The following LRFN2 variants were observed in gnomAD, a reference collection of about 807,000 sequenced individuals.
The protein encoded by LRFN2 is leucine rich repeat and fibronectin type III domain containing 2.
Under a neutral mutation model 37.3 loss-of-function variants are expected in LRFN2, and 18 were observed. That is an observed-to-expected ratio of 0.48 (90% CI 0.33 to 0.72). The LOEUF is 0.72. LRFN2 is among the 30% of genes least tolerant of loss of function. The pLI is 0.02. For synonymous variants in LRFN2, 556 were observed against 466.6 expected (o/e 1.19, Z -2.47); for missense variants, 1,006 against 1,060.7 (o/e 0.95, Z 0.72).
intron 1 of LRFN2, among the ~76,000 whole-genome samples, chr6:40,440,174 A>T (rs1354737499): frequency 2.0e-5 from 3 of 152,218 alleles, no homozygotes; most frequent in Non-Finnish European, 2.9e-5. Context: ...AAAAGGGCAG[A>T]ATGAGCCCAT....
At chr6:40,573,124 C>T (rs1442794251) in intron 1 of LRFN2, among the ~76,000 whole-genome samples, 3 of 152,230 alleles carry the variant, frequency 2.0e-5, no homozygotes, top group African/African-American at 7.2e-5. Context: ...GAAATCTAAT[C>T]CTGCCTTCAT....
chr6:40,482,690 C>A (rs943576443), intron 1 of LRFN2, among the ~76,000 whole-genome samples: 1 of 152,244 alleles, frequency 6.6e-6, no homozygotes, highest in Non-Finnish European at 1.5e-5. Context: ...GCAGCTTCCC[C>A]CACTGCGCCC....
intron 1 of LRFN2, among the ~76,000 whole-genome samples, chr6:40,529,979 C>A (rs1356060095): frequency 6.6e-6 from 1 of 152,248 alleles, no homozygotes; most frequent in African/African-American, 2.4e-5. Flanking sequence ...CATTTGCTTA[C>A]AAACCTTCCA....
chr6:40,584,506 C>T (rs996625527), intron 1 of LRFN2, among the ~76,000 whole-genome samples: 38 of 152,296 alleles, frequency 2.5e-4, no homozygotes, highest in Non-Finnish European at 4.9e-4. Flanking sequence ...ATTGTTGTTG[C>T]TCTTGTTCAG....
chr6:40,468,221 C>T (rs1244627102), intron 1 of LRFN2, among the ~76,000 whole-genome samples: 1 of 152,080 alleles, frequency 6.6e-6, no homozygotes, highest in Non-Finnish European at 1.5e-5. Flanking sequence ...GTGAACAAGT[C>T]CTTGGCCCTC....
At chr6:40,508,921 A>G (rs956874285) in intron 1 of LRFN2, among the ~76,000 whole-genome samples, 5 of 152,276 alleles carry the variant, frequency 3.3e-5, no homozygotes, top group African/African-American at 1.2e-4. Context: ...ACATCCATGC[A>G]ATGATTGGGT....
At chr6:40,449,457 C>T (rs10807240) in intron 1 of LRFN2, among the ~76,000 whole-genome samples, 39,910 of 152,150 alleles carry the variant, frequency 0.26, 6,149 homozygotes, top group Middle Eastern at 0.41. Context: ...TAAATGTCTA[C>T]TATGTGATGA....
intron 2 of LRFN2, among the ~76,000 whole-genome samples, chr6:40,421,835 A>G (rs1763235174): frequency 6.6e-6 from 1 of 152,186 alleles, no homozygotes; most frequent in Non-Finnish European, 1.5e-5. Context: ...TAACCCCCAA[A>G]TTTGGAAAAG....
chr6:40,407,242 T>C (rs958076584), intron 2 of LRFN2, among the ~76,000 whole-genome samples: 1 of 146,586 alleles, frequency 6.8e-6, no homozygotes, highest in Admixed American at 6.7e-5. Context: ...AAGTCTTCTC[T>C]ATTTAATTGT....
chr6:40,433,522 G>GTGGATGGA (rs921191740), intron 1 of LRFN2, among the ~76,000 whole-genome samples: 1 of 151,882 alleles, frequency 6.6e-6, no homozygotes, highest in South Asian at 2.1e-4. Flanking sequence ...GGATGGATGG[G>GTGGATGGA]TGGATGGATG....
chr6:40,553,875 T>G (rs1170449937), intron 1 of LRFN2, among the ~76,000 whole-genome samples: 1 of 152,212 alleles, frequency 6.6e-6, no homozygotes, highest in Non-Finnish European at 1.5e-5. Context: ...GCCTTGTGCT[T>G]CTCACCTCTG....
Position 40,480,549 on chromosome 6 carries a change from A to T in LRFN2, c.-18-47418T>A, listed in dbSNP as rs985181065. 3.9e-5 allele frequency among the ~76,000 whole-genome samples: 6 copies of T among 152,248 alleles called. No homozygotes were observed. In the South Asian group the frequency reaches 1.2e-3, roughly 32 times the overall value. Reference sequence around the variant, plus strand: ...TGCTTCGGCCTCCCAAAGTGCTGGGATTACAGGTATGAGCCACCACACCCA... The same window carrying T: ...TGCTTCGGCCTCCCAAAGTGCTGGGTTTACAGGTATGAGCCACCACACCCA... On this transcript the variant is annotated intron_variant, in intron 1 of 2. Transcript: ENST00000338305.
intron 1 of LRFN2, among the ~76,000 whole-genome samples, chr6:40,507,057 C>T (rs553057954): frequency 6.6e-6 from 1 of 152,192 alleles, no homozygotes; most frequent in Non-Finnish European, 1.5e-5. Flanking sequence ...GGTAATCGTG[C>T]TTAAATGGTA....
intron 1 of LRFN2, among the ~76,000 whole-genome samples, chr6:40,559,861 C>T (rs1766961482): frequency 6.6e-6 from 1 of 152,192 alleles, no homozygotes; most frequent in South Asian, 2.1e-4. Flanking sequence ...CTCTGCCGTT[C>T]TTCCAAGTCC....
intron 1 of LRFN2, among the ~76,000 whole-genome samples, chr6:40,521,891 A>G (rs1050872176): frequency 1.3e-5 from 2 of 152,230 alleles, no homozygotes; most frequent in African/African-American, 2.4e-5. Context: ...TTGAGACTGA[A>G]CTAGCTGTGG....
chr6:40,432,561 G>T lies in LRFN2; in HGVS notation c.553C>A (p.Leu185Met). 1 of 1,614,246 alleles carries T rather than the reference G, an allele frequency of 6.2e-7. No individual in the cohort carries two copies. Among genetic ancestry groups the T allele is most frequent in the Non-Finnish European group, 8.5e-7 (1 of 1,180,048 alleles). The change falls in exon 2 of 3, where the codon CTG becomes ATG. Residue 185 changes from leucine to methionine, a missense_variant. Leu to Met is a conservative substitution (Grantham distance 15). This residue lies in a region of LRFN2 where 185 missense variants were observed against 254.9 expected (regional missense o/e 0.73). Coordinates refer to ENST00000338305, the MANE Select transcript of LRFN2 (RefSeq NM_020737.3). The part of the protein sequence containing the change: ...LHQLSLDHNL[L>M]DHIAEGTFAD... ...AAGGTGCCCTCGGCGATGTGATCCA[G>T]CAGGTTGTGGTCCAGGCTCAGCTGG...
intron 2 of LRFN2, among the ~76,000 whole-genome samples, chr6:40,417,622 G>A (rs750930561): frequency 1.3e-5 from 2 of 152,182 alleles, no homozygotes; most frequent in South Asian, 4.1e-4. Flanking sequence ...GGCGTGGGAT[G>A]CTCTGCTCTG....
rs934515393 is a variant in LRFN2 at position 40,467,698 on chromosome 6, AGCCTCG to A, written c.-18-34573_-18-34568del. 3.3e-5 allele frequency among the ~76,000 whole-genome samples: 5 copies of A among 152,284 alleles called. No individual in the cohort carries two copies. The East Asian group carries it at 9.6e-4, about 29-fold the overall frequency. On this transcript the variant is annotated intron_variant, in intron 1 of 2. Transcript: ENST00000338305. The stretch of plus-strand genomic sequence containing the variant: ...GCTGTTCTCTCTTTGACAGAGACCT[AGCCTCG>A]GCCATGGGAGGTTCTGAGTCTGGCC...
At chr6:40,521,431 TCTAATA>T (rs1315465548) in intron 1 of LRFN2, among the ~76,000 whole-genome samples, 1 of 152,234 alleles carries the variant, frequency 6.6e-6, no homozygotes, top group Non-Finnish European at 1.5e-5. Flanking sequence ...TGCAGAGCTT[TCTAATA>T]CTAACAGCCT....
Sources: gnomAD v4.1 joint callset for allele counts (sites outside exome capture counted in the v4.1 genomes callset) on GRCh38, gnomAD v4.1.1 for gene constraint, gnomAD v4.1.1 regional missense constraint, MANE v1.5 for transcripts, NCBI Gene and HGNC (gene_info 2026-07-23, HGNC 2026-07-21) for gene names.